SHANK2: variants seen among roughly 807,000 people sequenced by gnomAD.
SHANK2 encodes SH3 and multiple ankyrin repeat domains 2, also known as SH3 and multiple ankyrin repeat domains protein 2.
SHANK2 carries 43 observed loss-of-function variants against 133.7 expected under a neutral mutation model. The observed-to-expected ratio is 0.32, with a 90% CI of 0.25 to 0.41. SHANK2 has a LOEUF of 0.41. SHANK2 is among the 10% of genes least tolerant of loss of function. The pLI is 1.00. For synonymous variants in SHANK2, 1,017 were observed against 952.8 expected, an observed-to-expected ratio of 1.07 and a Z score of -1.24; for missense variants, 1,994 against 2,235.8, an observed-to-expected ratio of 0.89 and a Z score of 2.18.
intron 14 of SHANK2, among the ~76,000 whole-genome samples, chr11:70,746,242 C>T (rs1030286895): frequency 2.0e-5 from 3 of 152,330 alleles, no homozygotes; most frequent in East Asian, 1.9e-4. Flanking sequence ...CAGCCTCTCC[C>T]ACCACACTCT....
intron 17 of SHANK2, among the ~76,000 whole-genome samples, chr11:70,599,669 G>A (rs1591631877): frequency 6.9e-6 from 1 of 145,332 alleles, no homozygotes; most frequent in East Asian, 2.0e-4. Flanking sequence ...GCGGGCACCT[G>A]TATTTCCAGC....
chr11:70,496,453 G>GAC (rs1555157108), intron 21 of SHANK2, among the ~76,000 whole-genome samples: 2 of 152,180 alleles, frequency 1.3e-5, no homozygotes, highest in African/African-American at 4.8e-5. Context: ...GCGATTTTAG[G>GAC]ACCTCAGGGC....
intron 8 of SHANK2, among the ~76,000 whole-genome samples, chr11:71,091,627 G>A (rs1253896853): frequency 6.6e-6 from 1 of 152,148 alleles, no homozygotes; most frequent in African/African-American, 2.4e-5. Context: ...TGGAGACCCT[G>A]GCCTGCAGCC....
chr11:71,146,864 C>T (rs4945170), intron 3 of SHANK2, among the ~76,000 whole-genome samples: 66,459 of 151,908 alleles, frequency 0.44, 15,343 homozygotes, highest in African/African-American at 0.59. Context: ...CAGTAGGTGC[C>T]CAGTCAATGT....
chr11:70,641,220 T>C (rs12361247), intron 17 of SHANK2, among the ~76,000 whole-genome samples: 76,968 of 151,580 alleles, frequency 0.51, 21,190 homozygotes, highest in Non-Finnish European at 0.62. Flanking sequence ...CTCAGCCTCC[T>C]GAGTAGCTGG....
chr11:70,492,177 C>G (rs1455236910), intron 22 of SHANK2, among the ~76,000 whole-genome samples, 158 bp downstream of exon 22: 2 of 152,228 alleles, frequency 1.3e-5, no homozygotes, highest in African/African-American at 4.8e-5. Context: ...TCTGCACAGA[C>G]CCGGCTCTTT....
chr11:71,230,363 C>T lies in SHANK2; in HGVS notation c.-112-5567G>A, dbSNP rs192388653. Among the ~76,000 whole-genome samples, 9 of 151,712 alleles carry T rather than the reference C, an allele frequency of 5.9e-5. No individual in the cohort carries two copies. In the East Asian group the frequency reaches 1.2e-3, roughly 20 times the overall value. ...TTGGAAGGCCAAGGCGGGTGGATCA[C>T]GAGGTCAGGATATCAAGACCACGGT... On this transcript the variant is annotated intron_variant, in intron 1 of 25. Transcript: ENST00000601538.
At chr11:70,920,283 G>A (rs1404950634) in intron 10 of SHANK2, among the ~76,000 whole-genome samples, 3 of 152,028 alleles carry the variant, frequency 2.0e-5, no homozygotes, top group African/African-American at 7.3e-5. Context: ...ATGTAGAGAT[G>A]GGATCTTGCT....
chr11:70,884,260 G>C (rs1555072967), intron 11 of SHANK2, among the ~76,000 whole-genome samples: 1 of 152,220 alleles, frequency 6.6e-6, no homozygotes, highest in Non-Finnish European at 1.5e-5. Flanking sequence ...GCAGGGGCCA[G>C]ACAGGCTAAA....
intron 6 of SHANK2, among the ~76,000 whole-genome samples, chr11:71,095,724 T>C (rs1194226009): frequency 2.6e-5 from 4 of 152,212 alleles, no homozygotes; most frequent in African/African-American, 9.6e-5. Context: ...ATTGTGATGT[T>C]TACTTATCCA....
At position 70,615,512 on chromosome 11, in the gene SHANK2, G is replaced by A. The variant is rs189427687; in HGVS notation, c.2061+44316C>T. Among the ~76,000 whole-genome samples, 437 of 152,284 alleles carry A rather than the reference G, an allele frequency of 2.9e-3. 2 individuals carry two copies. The highest frequency in any genetic ancestry group is 4.3e-3 in the Non-Finnish European group (291 of 68,020). On this transcript the variant is annotated intron_variant, in intron 17 of 25. Transcript: ENST00000601538. ...CCCCGGGGTATAAAACCCAGGAGGAGCTGCTTTCCAGGGTCCCTTAGTGGC... is the reference window on the plus strand; with the variant it reads ...CCCCGGGGTATAAAACCCAGGAGGAACTGCTTTCCAGGGTCCCTTAGTGGC...
intron 6 of SHANK2, among the ~76,000 whole-genome samples, chr11:71,098,316 C>T (rs1256428776): frequency 6.6e-6 from 1 of 152,154 alleles, no homozygotes; most frequent in Admixed American, 6.5e-5. Flanking sequence ...CATGTGTGCA[C>T]ACCCGTGTGT....
At chr11:71,085,567 A>T (rs1245573653) in intron 8 of SHANK2, among the ~76,000 whole-genome samples, 2 of 75,508 alleles carry the variant, frequency 2.6e-5, no homozygotes, top group Non-Finnish European at 4.6e-5. Flanking sequence ...TATTATATAA[A>T]ATATATATTA....
intron 2 of SHANK2, among the ~76,000 whole-genome samples, chr11:71,211,513 G>T (rs782773526): frequency 2.0e-5 from 3 of 151,542 alleles, no homozygotes; most frequent in Non-Finnish European, 2.9e-5. Context: ...CCTCCAGCCT[G>T]GGCAACAAAG....
intron 17 of SHANK2, among the ~76,000 whole-genome samples, chr11:70,627,697 G>A (rs76396261): frequency 0.061 from 9,338 of 152,228 alleles, 408 homozygotes; most frequent in East Asian, 0.23. Flanking sequence ...TGAAATTCAC[G>A]TATGCTTTAT....
At chr11:71,077,720 G>A (rs1396180950) in intron 8 of SHANK2, among the ~76,000 whole-genome samples, 2 of 152,048 alleles carry the variant, frequency 1.3e-5, no homozygotes, top group Admixed American at 1.3e-4. Flanking sequence ...GGGGGTGAGG[G>A]GGATCCAAGC....
At chr11:70,556,188 A>G (rs1485669454) in intron 17 of SHANK2, among the ~76,000 whole-genome samples, 2 of 152,204 alleles carry the variant, frequency 1.3e-5, no homozygotes, top group African/African-American at 2.4e-5. Flanking sequence ...TTGTGACTCA[A>G]TACACCTCAT....
At chr11:70,792,472 T>C (rs1282191462) in intron 14 of SHANK2, among the ~76,000 whole-genome samples, 2 of 152,198 alleles carry the variant, frequency 1.3e-5, no homozygotes, top group Non-Finnish European at 2.9e-5. Context: ...GATTTTGCTG[T>C]TTGTTATCCC....
chr11:71,090,100 TG>T (rs1951480251), intron 8 of SHANK2, among the ~76,000 whole-genome samples: 2 of 151,306 alleles, frequency 1.3e-5, no homozygotes, highest in Admixed American at 1.3e-4. Flanking sequence ...TGTGTGTGTG[TG>T]TGTGTGTGTG....
Sources: allele counts gnomAD v4.1 joint callset (sites outside exome capture counted in the v4.1 genomes callset), GRCh38; gene constraint gnomAD v4.1.1; transcripts MANE v1.5; gene names NCBI Gene and HGNC (gene_info 2026-07-23, HGNC 2026-07-21).